CCDC192: variants seen among roughly 807,000 people sequenced by gnomAD.
CCDC192 encodes the protein coiled-coil domain containing 192.
intron 5 of CCDC192, among the ~76,000 whole-genome samples, chr5:127,865,864 C>T (rs1443574538): frequency 1.3e-5 from 2 of 151,964 alleles, no homozygotes; most frequent in Admixed American, 1.3e-4. Flanking sequence ...CAGATCAACT[C>T]CTTTCTTTGC....
intron 2 of CCDC192, among the ~76,000 whole-genome samples, chr5:127,709,202 G>GGGGA (rs1247306394): frequency 9.3e-5 from 8 of 85,758 alleles, no homozygotes; most frequent in Non-Finnish European, 8.4e-5. Context: ...GGAGAGAGGG[G>GGGGA]GAGAGAGAGA....
At chr5:127,709,526 A>G (rs1344653031) in intron 2 of CCDC192, among the ~76,000 whole-genome samples, 1 of 152,190 alleles carries the variant, frequency 6.6e-6, no homozygotes, top group Non-Finnish European at 1.5e-5. Context: ...ATTATTTTTG[A>G]TCATAAAACG....
chr5:127,829,138 T>G (rs1580720284), intron 5 of CCDC192, among the ~76,000 whole-genome samples: 1 of 151,990 alleles, frequency 6.6e-6, no homozygotes, highest in South Asian at 2.1e-4. Flanking sequence ...GAGTGGAAGG[T>G]GGCAGCAGTC....
intron 6 of CCDC192, among the ~76,000 whole-genome samples, chr5:127,937,029 C>A (rs961963995): frequency 2.3e-4 from 35 of 152,188 alleles, no homozygotes; most frequent in African/African-American, 8.2e-4. Context: ...GGACTTGAGG[C>A]TCTTGAAGTC....
At chr5:127,936,892 C>T (rs1754201393) in intron 6 of CCDC192, among the ~76,000 whole-genome samples, 1 of 152,158 alleles carries the variant, frequency 6.6e-6, no homozygotes, top group Admixed American at 6.5e-5. Flanking sequence ...GCTGTCAGGA[C>T]TTTGGGGACA....
At chr5:127,812,073 C>T (rs74612735) in intron 5 of CCDC192, among the ~76,000 whole-genome samples, 312 of 152,266 alleles carry the variant, frequency 2.0e-3, no homozygotes, top group African/African-American at 6.1e-3. Flanking sequence ...TTAATTTCCA[C>T]GACTGCAAAA....
At chr5:127,725,698 C>T (rs1752281325) in intron 2 of CCDC192, among the ~76,000 whole-genome samples, 1 of 152,154 alleles carries the variant, frequency 6.6e-6, no homozygotes. Flanking sequence ...CTTGCTGTAG[C>T]TCTTTATATT....
rs527834360 is a variant in CCDC192, at chr5:127,928,133, G to A, written c.536-13049G>A. The stretch of plus-strand genomic sequence containing the variant: ...AGTAGAGATGGGGTTTTACCATGTT[G>A]GCCAAGCTGGTCTCGAACTCAGGTA... On this transcript the variant is annotated intron_variant, in intron 6 of 6. Transcript: ENST00000514853. Among the ~76,000 whole-genome samples the A allele has an allele frequency of 2.0e-5, 3 of 151,932 alleles. No individual in the cohort carries two copies. In the East Asian group the frequency reaches 5.8e-4, roughly 29 times the overall value.
At chr5:127,760,683 C>A (rs1431198694) in intron 3 of CCDC192, among the ~76,000 whole-genome samples, 2 of 111,710 alleles carry the variant, frequency 1.8e-5, no homozygotes, top group Admixed American at 1.4e-4. Context: ...GCCTGGGTGA[C>A]AGAGCGAGAT....
chr5:127,881,246 C>G (rs1216132731), intron 6 of CCDC192, among the ~76,000 whole-genome samples: 1 of 152,108 alleles, frequency 6.6e-6, no homozygotes, highest in African/African-American at 2.4e-5. Context: ...TGAAGGCTTG[C>G]TTTGTTGTAA....
chr5:127,751,378 T>C (rs919376330), intron 2 of CCDC192, among the ~76,000 whole-genome samples: 22 of 151,974 alleles, frequency 1.4e-4, no homozygotes, highest in Admixed American at 1.2e-3. Flanking sequence ...TCATGAAGCT[T>C]AGTTTGGCTG....
intron 6 of CCDC192, among the ~76,000 whole-genome samples, chr5:127,897,170 T>A (rs1157840126): frequency 6.6e-6 from 1 of 151,986 alleles, no homozygotes; most frequent in African/African-American, 2.4e-5. Context: ...CATATGACTA[T>A]TATTTGATTC....
chr5:127,744,287 G>T (rs1753614731), intron 2 of CCDC192, among the ~76,000 whole-genome samples: 1 of 151,650 alleles, frequency 6.6e-6, no homozygotes, highest in South Asian at 2.1e-4. Context: ...GATCAGCTGG[G>T]GAAAGACTTG....
At chr5:127,910,586 A>G (rs1753318826) in intron 6 of CCDC192, among the ~76,000 whole-genome samples, 1 of 152,206 alleles carries the variant, frequency 6.6e-6, no homozygotes, top group Non-Finnish European at 1.5e-5. Context: ...GAACTGAACA[A>G]ATATGTAGAA....
intron 5 of CCDC192, among the ~76,000 whole-genome samples, chr5:127,859,972 A>G (rs1161981171): frequency 6.6e-6 from 1 of 152,006 alleles, no homozygotes; most frequent in Non-Finnish European, 1.5e-5. Flanking sequence ...ATCAACCTCC[A>G]GTTTTGTGCG....
chr5:127,801,485 C>T (rs1385216922), intron 5 of CCDC192, among the ~76,000 whole-genome samples: 1 of 152,154 alleles, frequency 6.6e-6, no homozygotes, highest in Non-Finnish European at 1.5e-5. Flanking sequence ...TCACTCCCCT[C>T]TCTCTGCCTT....
chr5:127,743,059 C>T lies in CCDC192; in HGVS notation c.115-11209C>T, dbSNP rs1015305744. On this transcript the variant is annotated intron_variant, in intron 2 of 6. Transcript: ENST00000514853. Reference sequence around the variant, plus strand: ...GGACATTTATTTGGGTTCTCTTGCCCTCTGGCTTGATGAGTTCAGCCCAAG... The same window carrying T: ...GGACATTTATTTGGGTTCTCTTGCCTTCTGGCTTGATGAGTTCAGCCCAAG... Among the ~76,000 whole-genome samples the T allele has an allele frequency of 1.1e-4, 16 of 152,042 alleles. 1 individual carries two copies. The highest frequency in any genetic ancestry group is 3.6e-4 in the African/African-American group (15 of 41,378).
chr5:127,850,825 G>A (rs1395201686), intron 5 of CCDC192, among the ~76,000 whole-genome samples: 1 of 152,150 alleles, frequency 6.6e-6, no homozygotes, highest in Non-Finnish European at 1.5e-5. Flanking sequence ...AATTAGCCAG[G>A]CATGGTGGCA....
In CCDC192 at chr5:127,917,719, C is replaced by T. The variant is rs142561804; in HGVS notation, c.536-23463C>T. Among the ~76,000 whole-genome samples, 1,286 of 152,078 alleles carry T rather than the reference C, an allele frequency of 8.5e-3. 22 individuals carry two copies. Among genetic ancestry groups the T allele is most frequent in the African/African-American group, 0.028 (1,170 of 41,464 alleles). On this transcript the variant is annotated intron_variant, in intron 6 of 6. Coordinates refer to ENST00000514853, the MANE Select transcript of CCDC192 (RefSeq NM_001317938.2). Reference sequence around the variant, plus strand: ...TCATGGCACCCCAAAACAATTACAACGGTAACATCAAAGATCATCGATCAC... The same window carrying T: ...TCATGGCACCCCAAAACAATTACAATGGTAACATCAAAGATCATCGATCAC...
Sources: gnomAD v4.1 joint callset for allele counts (sites outside exome capture counted in the v4.1 genomes callset) on GRCh38, gnomAD v4.1.1 for gene constraint, MANE v1.5 for transcripts, NCBI Gene and HGNC (gene_info 2026-07-23, HGNC 2026-07-21) for gene names.